The following MOV10L1 variants were observed in gnomAD, a reference collection of about 807,000 sequenced individuals.
The protein encoded by MOV10L1 is RNA helicase Mov10l1.
In MOV10L1, 110 loss-of-function variants were observed where a neutral mutation model predicts 143.8. That is an observed-to-expected ratio of 0.76 (90% CI 0.66 to 0.90). MOV10L1 has a LOEUF of 0.90. MOV10L1 is among the 40% of genes least tolerant of loss of function. The pLI, the probability that MOV10L1 is intolerant of heterozygous loss-of-function variation, is 0.00. For missense variants in MOV10L1, 1,406 were observed against 1,526.8 expected, an observed-to-expected ratio of 0.92 and a Z score of 1.32; for synonymous variants, 593 against 581.1, an observed-to-expected ratio of 1.02 and a Z score of -0.29.
rs2062311087 is a variant in MOV10L1, at chr22:50,120,595, T to C, written c.1548T>C (p.Thr516=). The part of the protein sequence containing the change: ...KCVEQKIDIL[T]FQPLLAELLN... ...TGGAACAAAAAATTGACATCCTGAC[T>C]TTCCAGCCATTACTTGCAGAGGTAG... The change falls in exon 10 of 27, where the codon ACT becomes ACC. Residue 516 remains threonine (T), a synonymous_variant. Transcript: ENST00000262794. The C allele has an allele frequency of 2.5e-6, 4 of 1,611,200 alleles. No homozygotes were observed. The highest frequency in any genetic ancestry group is 8.5e-7 in the Non-Finnish European group (1 of 1,177,614).
chr22:50,109,101 GCCACTGCA>G (rs1301749056), intron 5 of MOV10L1, among the ~76,000 whole-genome samples: 3 of 152,106 alleles, frequency 2.0e-5, no homozygotes, highest in Non-Finnish European at 4.4e-5. Context: ...CTGAGATTGC[GCCACTGCA>G]CTCAGGCCTG....
At chr22:50,101,365 G>A (rs573233878) in intron 3 of MOV10L1, among the ~76,000 whole-genome samples, 12 of 152,128 alleles carry the variant, frequency 7.9e-5, no homozygotes, top group Admixed American at 2.6e-4. Flanking sequence ...ACAGGTGCCC[G>A]CCACCACACC....
intron 9 of MOV10L1, 143 bp downstream of exon 9, chr22:50,117,494 G>C: frequency 1.2e-6 from 1 of 838,488 alleles, no homozygotes; most frequent in Non-Finnish European, 1.8e-6. Flanking sequence ...CTCTTTCCAT[G>C]ATTGTATTTG....
chr22:50,096,685 G>A (rs748078923), intron 2 of MOV10L1, among the ~76,000 whole-genome samples: 10 of 151,966 alleles, frequency 6.6e-5, no homozygotes, highest in Non-Finnish European at 1.5e-4. Flanking sequence ...ATTCCTCGTA[G>A]TTGTGAGGTA....
chr22:50,121,581 C>T (rs1479008772), intron 10 of MOV10L1, among the ~76,000 whole-genome samples: 2 of 152,324 alleles, frequency 1.3e-5, no homozygotes, highest in African/African-American at 4.8e-5. Flanking sequence ...GTGTTTTACT[C>T]ACAGATCCTG....
intron 15 of MOV10L1, among the ~76,000 whole-genome samples, chr22:50,136,313 G>T (rs940767872): frequency 1.3e-5 from 2 of 151,756 alleles, no homozygotes; most frequent in African/African-American, 4.8e-5. Context: ...TATTTAGGTG[G>T]GCACATTCCT....
chr22:50,141,999 G>A, intron 15 of MOV10L1, 82 bp from the exon 16 acceptor site: 1 of 1,026,042 alleles, frequency 9.7e-7, no homozygotes, highest in Non-Finnish European at 1.5e-6. Context: ...TAGAACACTA[G>A]ATGTTTACGT....
At chr22:50,090,615 C>G (rs1602091962) in intron 1 of MOV10L1, 2 of 1,453,652 alleles carry the variant, frequency 1.4e-6, no homozygotes, top group Non-Finnish European at 1.9e-6. Context: ...GTTTTCAAGC[C>G]CATCTTTCTA....
At chr22:50,095,626 A>T (rs1336617792) in intron 2 of MOV10L1, 2 of 152,174 alleles carry the variant, frequency 1.3e-5, no homozygotes, top group Non-Finnish European at 2.9e-5. Flanking sequence ...TGATTTTAAG[A>T]TACACCATTA....
rs1246392369 is a variant in MOV10L1 at position 50,134,582 on chromosome 22, G to A, written c.2022G>A (p.Trp674Ter). ...ILQSPQVTGN[W>*]NHAQDTKSSG... Reference sequence around the variant, plus strand: ...AGTCTCCACAAGTGACGGGAAATTGGAACCATGCACAAGACACCAAAAGCA... The same window carrying A: ...AGTCTCCACAAGTGACGGGAAATTGAAACCATGCACAAGACACCAAAAGCA... The change falls in exon 15 of 27, where the codon TGG (tryptophan) becomes TGA (stop). Residue 674 changes from tryptophan to a stop codon, truncating the protein, a stop_gained. Coordinates refer to ENST00000262794, the MANE Select transcript of MOV10L1 (RefSeq NM_018995.3). LOFTEE classifies it high-confidence loss of function. 1 of 1,614,060 alleles carries A rather than the reference G, an allele frequency of 6.2e-7. No individual in the cohort carries two copies. The highest frequency in any genetic ancestry group is 8.5e-7 in the Non-Finnish European group (1 of 1,180,038).
At chr22:50,107,628 G>T (rs1413518889) in intron 3 of MOV10L1, among the ~76,000 whole-genome samples, 1 of 152,206 alleles carries the variant, frequency 6.6e-6, no homozygotes. Flanking sequence ...TGAACCTGCA[G>T]TTTTCCACCA....
intron 3 of MOV10L1, among the ~76,000 whole-genome samples, chr22:50,106,830 T>A (rs926508758): frequency 6.6e-6 from 1 of 150,382 alleles, no homozygotes; most frequent in Admixed American, 6.7e-5. Flanking sequence ...GCCTCCCGAG[T>A]AGCTGGGACC....
At chr22:50,140,722 C>T (rs1451080692) in intron 15 of MOV10L1, among the ~76,000 whole-genome samples, 2 of 147,918 alleles carry the variant, frequency 1.4e-5, no homozygotes, top group Non-Finnish European at 3.0e-5. Context: ...AATTTTTTAA[C>T]GTGAAACTTT....
chr22:50,139,693 T>G (rs887083837), intron 15 of MOV10L1, among the ~76,000 whole-genome samples: 1 of 152,218 alleles, frequency 6.6e-6, no homozygotes, highest in Non-Finnish European at 1.5e-5. Context: ...ACTCAATTTT[T>G]TATAATGGAT....
chr22:50,090,074 G>C lies in MOV10L1; in HGVS notation c.-15G>C. On this transcript the variant is annotated 5_prime_UTR_variant, in exon 1 of 27. Coordinates refer to ENST00000262794, the MANE Select transcript of MOV10L1 (RefSeq NM_018995.3). ...CGGCAGCGGCGGTGACGGCAGCCTA[G>C]GCCGGGCGAGGGCCATGCTGAGCCT... 7.9e-7 allele frequency: 1 copy of C among 1,269,142 alleles called. No homozygotes were observed. The highest frequency in any genetic ancestry group is 3.0e-5 in the South Asian group (1 of 33,056). The allele number at this position is 1,269,142 out of a possible 1,614,324, so 78.6% of individuals were successfully genotyped here.
intron 9 of MOV10L1, 79 bp downstream of exon 9, chr22:50,117,430 G>A (rs933905010): frequency 3.0e-5 from 44 of 1,464,938 alleles, no homozygotes; most frequent in South Asian, 5.0e-5. Context: ...ACTGGCAAGC[G>A]GTGGCTACCA....
chr22:50,094,134 T>C (rs1028073766), intron 2 of MOV10L1: 1 of 152,240 alleles, frequency 6.6e-6, no homozygotes, highest in South Asian at 2.1e-4. Context: ...TCTCCCCCTC[T>C]GCCCAGATTT....
At chr22:50,105,082 G>C (rs996357225) in intron 3 of MOV10L1, among the ~76,000 whole-genome samples, 1 of 152,060 alleles carries the variant, frequency 6.6e-6, no homozygotes, top group East Asian at 1.9e-4. Flanking sequence ...TGTAGAGACA[G>C]GGTTTCACCG....
Position 50,090,068 on chromosome 22 carries a change from A to ATGGCG in MOV10L1, c.-21_-20insTGGCG. The ATGGCG allele has an allele frequency of 1.6e-6, 2 of 1,240,580 alleles. No individual in the cohort carries two copies. Among genetic ancestry groups the ATGGCG allele is most frequent in the Non-Finnish European group, 2.0e-6 (2 of 988,574 alleles). The allele number at this position is 1,240,580 out of a possible 1,614,324, so 76.8% of individuals were successfully genotyped here. A position where few individuals can be genotyped will look rare whatever the true frequency, so the allele number is the denominator to read the frequency against. On this transcript the variant is annotated 5_prime_UTR_variant, in exon 1 of 27. In the 5' UTR this introduces an upstream ATG that the reference lacks. Transcript: ENST00000262794. ...GGGCGGCGGCAGCGGCGGTGACGGC[A>ATGGCG]GCCTAGGCCGGGCGAGGGCCATGCT...
Sources: gnomAD v4.1 joint callset for allele counts (sites outside exome capture counted in the v4.1 genomes callset) on GRCh38, gnomAD v4.1.1 for gene constraint, MANE v1.5 for transcripts, NCBI Gene and HGNC (gene_info 2026-07-23, HGNC 2026-07-21) for gene names.